The following LRRFIP1 variants were observed in gnomAD, a reference collection of about 807,000 sequenced individuals.
LRRFIP1 encodes leucine-rich repeat flightless-interacting protein 1.
In LRRFIP1, 62 loss-of-function variants were observed where a neutral mutation model predicts 104.4. That is an observed-to-expected ratio of 0.59 (90% CI 0.48 to 0.73). The LOEUF (loss-of-function observed/expected upper bound fraction) is 0.73. Ranked by LOEUF, LRRFIP1 falls within the 30% of genes least tolerant of loss-of-function variation. The pLI is 0.00. For missense variants in LRRFIP1, 796 were observed against 824.5 expected (o/e 0.97, Z 0.42); for synonymous variants, 300 against 299.0 (o/e 1.00, Z -0.03).
At chr2:237,670,865 G>A (rs996344666) in intron 1 of LRRFIP1, among the ~76,000 whole-genome samples, 20 of 152,188 alleles carry the variant, frequency 1.3e-4, no homozygotes, top group Non-Finnish European at 2.6e-4. Flanking sequence ...GGCATTTTCC[G>A]AACGTCTGGA....
At chr2:237,700,157 A>G (rs1358022335) in intron 1 of LRRFIP1, among the ~76,000 whole-genome samples, 1 of 152,196 alleles carries the variant, frequency 6.6e-6, no homozygotes, top group Non-Finnish European at 1.5e-5. Flanking sequence ...AGGCCACTGC[A>G]TCTGAGGGTT....
At chr2:237,680,302 G>A (rs1315463233) in intron 1 of LRRFIP1, among the ~76,000 whole-genome samples, 1 of 152,202 alleles carries the variant, frequency 6.6e-6, no homozygotes, top group Non-Finnish European at 1.5e-5. Flanking sequence ...GACCAGCCTG[G>A]TCAACACAGT....
intron 1 of LRRFIP1, among the ~76,000 whole-genome samples, chr2:237,677,047 A>C (rs1419142761): frequency 6.6e-6 from 1 of 152,258 alleles, no homozygotes; most frequent in Non-Finnish European, 1.5e-5. Flanking sequence ...AATACACATA[A>C]CAAAGTTTGC....
At chr2:237,674,299 C>T (rs1255393949) in intron 1 of LRRFIP1, among the ~76,000 whole-genome samples, 2 of 152,174 alleles carry the variant, frequency 1.3e-5, no homozygotes, top group Admixed American at 6.5e-5. Context: ...CCCCAGAATC[C>T]TAGCCTGCGC....
chr2:237,745,794 T>C (rs1339440802), intron 11 of LRRFIP1, among the ~76,000 whole-genome samples: 1 of 152,226 alleles, frequency 6.6e-6, no homozygotes, highest in Non-Finnish European at 1.5e-5. Flanking sequence ...CCAGAAAACA[T>C]ACGTTTTACA....
At chr2:237,767,466 C>A (rs1389489281) in intron 19 of LRRFIP1, among the ~76,000 whole-genome samples, 7 of 152,104 alleles carry the variant, frequency 4.6e-5, no homozygotes, top group Admixed American at 3.3e-4. Flanking sequence ...GTAAATCTTC[C>A]TTCAAAAGTA....
intron 4 of LRRFIP1, among the ~76,000 whole-genome samples, chr2:237,718,940 AAGAAAT>A (rs1360596965): frequency 2.0e-5 from 3 of 152,168 alleles, no homozygotes; most frequent in Admixed American, 2.0e-4. Context: ...AAAAAAAGAA[AAGAAAT>A]ATTTAAAAAA....
chr2:237,772,095 AG>A lies in LRRFIP1; in HGVS notation c.1527del (p.Gln510SerfsTer11), dbSNP rs759963060. On this transcript the variant is annotated frameshift_variant, in exon 21 of 24. Transcript: ENST00000308482. LOFTEE classifies it high-confidence loss of function. ...CLLEQIKKLK[G>X]QLEERQKIGK... ...GGTGTTTTCAGATTAAGAAACTCAA[AG>A]GGCAGCTGGAGGAGAGACAGAAGAT... 4 of 1,612,872 alleles carry A rather than the reference AG, an allele frequency of 2.5e-6. No homozygotes were observed. The Admixed American group carries it at 6.7e-5, about 27-fold the overall frequency.
chr2:237,700,925 T>C (rs1366925460), intron 1 of LRRFIP1, among the ~76,000 whole-genome samples: 1 of 152,208 alleles, frequency 6.6e-6, no homozygotes. Context: ...CCTAAAGTTG[T>C]GGCTCATAAA....
At chr2:237,740,045 T>C (rs1197052007) in intron 11 of LRRFIP1, among the ~76,000 whole-genome samples, 1 of 151,948 alleles carries the variant, frequency 6.6e-6, no homozygotes, top group Admixed American at 6.6e-5. Context: ...CAAGAGCCAG[T>C]GAGAAACCTT....
At chr2:237,695,822 A>G (rs536403782) in intron 1 of LRRFIP1, among the ~76,000 whole-genome samples, 1 of 152,232 alleles carries the variant, frequency 6.6e-6, no homozygotes, top group South Asian at 2.1e-4. Context: ...TTTATTATTC[A>G]GACTACCTAG....
At chr2:237,645,596 A>G (rs1435973973) in intron 1 of LRRFIP1, among the ~76,000 whole-genome samples, 1 of 151,548 alleles carries the variant, frequency 6.6e-6, no homozygotes, top group Non-Finnish European at 1.5e-5. Flanking sequence ...TATGCTTGGG[A>G]GATAATTCTG....
intron 13 of LRRFIP1, among the ~76,000 whole-genome samples, chr2:237,750,664 C>T (rs898292533): frequency 3.9e-5 from 6 of 152,134 alleles, no homozygotes; most frequent in African/African-American, 1.4e-4. Context: ...AGCAGAGCAG[C>T]AGAGTTGGCG....
At position 237,757,527 on chromosome 2, in the gene LRRFIP1, G is replaced by A. The variant is rs780926008; in HGVS notation, c.1203G>A (p.Glu401=). 3.2e-6 allele frequency: 5 copies of A among 1,586,340 alleles called. No individual in the cohort carries two copies. Among genetic ancestry groups the A allele is most frequent in the Admixed American group, 3.6e-5 (2 of 55,714 alleles). The change falls in exon 17 of 24, where the codon GAG becomes GAA. Residue 401 remains glutamate (E), a synonymous_variant. Coordinates refer to ENST00000308482, the MANE Select transcript of LRRFIP1 (RefSeq NM_001137550.2). ...TTTCTGATCTTCAGGAAACAATAGA[G>A]TGGAAAGACAAAAAGATAGGGGTAG... ...REISDLQETI[E]WKDKKIGALE... is the part of the protein sequence containing the mutation.
chr2:237,757,395 G>C, intron 16 of LRRFIP1, 61 bp from the exon 17 acceptor site: 2 of 1,121,614 alleles, frequency 1.8e-6, no homozygotes, highest in Admixed American at 2.3e-5. Flanking sequence ...GTTCTCTCTC[G>C]GGCTGGGGTT....
At position 237,719,186 on chromosome 2, in the gene LRRFIP1, G is replaced by C. The variant is rs372006113; in HGVS notation, c.250-337G>C. ...ATCTTCTGATTCCCGAAGAGAGTGA[G>C]GTTCTGAAAGTAAGGGGAAAAGTAG... On this transcript the variant is annotated intron_variant, in intron 4 of 23. Coordinates refer to ENST00000308482, the MANE Select transcript of LRRFIP1 (RefSeq NM_001137550.2). Among the ~76,000 whole-genome samples the C allele has an allele frequency of 1.4e-3, 219 of 152,310 alleles. 6 individuals are homozygous for C. The South Asian group carries it at 0.044, about 31-fold the overall frequency.
chr2:237,645,840 G>T (rs7601612), intron 1 of LRRFIP1, among the ~76,000 whole-genome samples: 2,653 of 152,132 alleles, frequency 0.017, 81 homozygotes, highest in African/African-American at 0.061. Context: ...GCAGAGAAGG[G>T]TGACCTTTCC....
At chr2:237,748,493 C>T (rs1222555030) in intron 12 of LRRFIP1, 94 bp downstream of exon 12, 2 of 1,203,756 alleles carry the variant, frequency 1.7e-6, no homozygotes, top group African/African-American at 3.1e-5. Flanking sequence ...TAAGGATGTT[C>T]CCCAGCGAGG....
intron 8 of LRRFIP1, among the ~76,000 whole-genome samples, chr2:237,729,109 T>C (rs2094895685): frequency 6.6e-6 from 1 of 152,148 alleles, no homozygotes; most frequent in Non-Finnish European, 1.5e-5. Context: ...TATTTTTTAG[T>C]AGAGATGGAG....
Sources: gnomAD v4.1 joint callset for allele counts (sites outside exome capture counted in the v4.1 genomes callset) on GRCh38, gnomAD v4.1.1 for gene constraint, MANE v1.5 for transcripts, NCBI Gene and HGNC (gene_info 2026-07-23, HGNC 2026-07-21) for gene names.